The following NKAIN3 variants were observed in gnomAD, a reference collection of about 807,000 sequenced individuals.
NKAIN3 encodes the protein sodium/potassium-transporting ATPase subunit beta-1-interacting protein 3.
A neutral mutation model predicts 30.2 loss-of-function variants in NKAIN3; 25 were observed. The observed-to-expected ratio is 0.83, with a 90% confidence interval of 0.60 to 1.16. The LOEUF (loss-of-function observed/expected upper bound fraction) is 1.16, where lower values mean the gene tolerates loss of function less well. Ranked by LOEUF, NKAIN3 falls within the 50% of genes most tolerant of loss-of-function variation. NKAIN3 has a pLI of 0.00. For synonymous variants in NKAIN3, 91 were observed against 89.6 expected (o/e 1.02, Z -0.09); for missense variants, 225 against 254.1 (o/e 0.89, Z 0.78).
At chr8:62,359,097 A>T (rs761137255) in intron 1 of NKAIN3, among the ~76,000 whole-genome samples, 70 of 152,218 alleles carry the variant, frequency 4.6e-4, no homozygotes, top group Non-Finnish European at 8.4e-4. Flanking sequence ...GCAGGAGAAT[A>T]GTGTGAACCC....
At chr8:62,739,581 T>A (rs189874599) in intron 3 of NKAIN3, among the ~76,000 whole-genome samples, 48 of 152,276 alleles carry the variant, frequency 3.2e-4, no homozygotes, top group African/African-American at 1.2e-3. Flanking sequence ...AATCCATGCA[T>A]AGGTTTTTTT....
intron 3 of NKAIN3, among the ~76,000 whole-genome samples, chr8:62,631,407 T>G (rs887744161): frequency 1.4e-4 from 21 of 152,064 alleles, no homozygotes; most frequent in Non-Finnish European, 3.1e-4. Context: ...ACATGAAAAA[T>G]CTTTCCATAC....
At chr8:62,283,031 C>G (rs1813254422) in intron 1 of NKAIN3, among the ~76,000 whole-genome samples, 1 of 152,170 alleles carries the variant, frequency 6.6e-6, no homozygotes, top group Non-Finnish European at 1.5e-5. Context: ...AGCAATGGCT[C>G]AAGTGCACCA....
At chr8:62,906,548 T>C (rs1486812216) in intron 4 of NKAIN3, among the ~76,000 whole-genome samples, 1 of 152,174 alleles carries the variant, frequency 6.6e-6, no homozygotes, top group East Asian at 1.9e-4. Context: ...CATCTTGAAT[T>C]GTAGCTCCAA....
At chr8:62,560,712 A>G (rs1454854191) in intron 1 of NKAIN3, among the ~76,000 whole-genome samples, 2 of 149,646 alleles carry the variant, frequency 1.3e-5, no homozygotes, top group East Asian at 2.0e-4. Flanking sequence ...GCTAATTTTT[A>G]TATTTTTTAG....
At chr8:62,729,220 A>G (rs565026296) in intron 3 of NKAIN3, among the ~76,000 whole-genome samples, 1 of 152,232 alleles carries the variant, frequency 6.6e-6, no homozygotes, top group Admixed American at 6.5e-5. Context: ...AGACCTGGAC[A>G]GACTCCTCAA....
intron 1 of NKAIN3, among the ~76,000 whole-genome samples, chr8:62,292,106 C>T (rs1011025157): frequency 1.3e-5 from 2 of 152,094 alleles, no homozygotes; most frequent in African/African-American, 4.8e-5. Flanking sequence ...CTTCCTCCAT[C>T]CCTTTATTTT....
chr8:62,664,933 C>T (rs59726245), intron 3 of NKAIN3, among the ~76,000 whole-genome samples: 402 of 152,262 alleles, frequency 2.6e-3, no homozygotes, highest in Non-Finnish European at 4.0e-3. Context: ...CTTACGCTGA[C>T]GACATCCAAA....
intron 5 of NKAIN3, among the ~76,000 whole-genome samples, chr8:62,997,308 G>A (rs539411091): frequency 6.6e-6 from 1 of 152,216 alleles, no homozygotes; most frequent in South Asian, 2.1e-4. Flanking sequence ...GTGATAATGG[G>A]AGTGTATTTG....
intron 4 of NKAIN3, among the ~76,000 whole-genome samples, chr8:62,806,247 G>C (rs200247552): frequency 6.6e-6 from 1 of 152,138 alleles, no homozygotes; most frequent in Non-Finnish European, 1.5e-5. Context: ...TCAGTGTGGC[G>C]ATTCCTCAGG....
chr8:62,757,025 A>C (rs908078732), intron 4 of NKAIN3, among the ~76,000 whole-genome samples: 4 of 152,194 alleles, frequency 2.6e-5, no homozygotes, highest in East Asian at 3.9e-4. Flanking sequence ...ATATTGTTTC[A>C]TCAGAGAAAT....
At chr8:62,728,784 A>C (rs1252650865) in intron 3 of NKAIN3, among the ~76,000 whole-genome samples, 2 of 151,914 alleles carry the variant, frequency 1.3e-5, no homozygotes, top group Non-Finnish European at 2.9e-5. Flanking sequence ...AGGTCAGGAG[A>C]TAGCGACCAG....
intron 1 of NKAIN3, among the ~76,000 whole-genome samples, chr8:62,424,675 G>A (rs1043276985): frequency 2.6e-5 from 4 of 151,814 alleles, no homozygotes; most frequent in Non-Finnish European, 2.9e-5. Context: ...AGACAATTTA[G>A]AACTCTTGTA....
chr8:62,756,389 C>T (rs1163920423), intron 4 of NKAIN3, among the ~76,000 whole-genome samples: 1 of 152,136 alleles, frequency 6.6e-6, no homozygotes. Context: ...ACCCATGTAG[C>T]ATGTATCAGA....
intron 4 of NKAIN3, among the ~76,000 whole-genome samples, chr8:62,806,918 C>T (rs954074556): frequency 1.3e-5 from 2 of 151,984 alleles, no homozygotes; most frequent in Non-Finnish European, 2.9e-5. Context: ...GGGACTAATT[C>T]CTGTCCTCTG....
chr8:62,788,261 T>A (rs1817586437), intron 4 of NKAIN3, among the ~76,000 whole-genome samples: 1 of 152,238 alleles, frequency 6.6e-6, no homozygotes, highest in Non-Finnish European at 1.5e-5. Flanking sequence ...CTCATTATGG[T>A]TTTGATTTGC....
At chr8:62,807,966 T>C (rs1333906615) in intron 4 of NKAIN3, among the ~76,000 whole-genome samples, 6 of 152,058 alleles carry the variant, frequency 3.9e-5, no homozygotes, top group African/African-American at 1.2e-4. Flanking sequence ...AAAAGAAAAT[T>C]ATTTTCAAAT....
chr8:62,783,605 CTTT>C (rs386412917), intron 4 of NKAIN3, among the ~76,000 whole-genome samples: 7 of 121,422 alleles, frequency 5.8e-5, no homozygotes, highest in African/African-American at 1.3e-4. Flanking sequence ...GCAGAATACA[CTTT>C]TTTTTTTTTT....
chr8:62,343,273 A>G (rs964888841), intron 1 of NKAIN3, among the ~76,000 whole-genome samples: 2 of 151,942 alleles, frequency 1.3e-5, no homozygotes, highest in African/African-American at 4.8e-5. Context: ...TGCCTATTAT[A>G]TAGGGTTGTT....
Sources: gnomAD v4.1 joint callset for allele counts (sites outside exome capture counted in the v4.1 genomes callset) on GRCh38, gnomAD v4.1.1 for gene constraint, MANE v1.5 for transcripts, NCBI Gene and HGNC (gene_info 2026-07-23, HGNC 2026-07-21) for gene names.